TSC22D2: variants seen among roughly 807,000 people sequenced by gnomAD.
The protein encoded by TSC22D2 is TSC22 domain family member 2, also known as TSC22 domain family protein 2.
In TSC22D2, 5 loss-of-function variants were observed where a neutral mutation model predicts 50.1. That is an observed-to-expected ratio of 0.10 (90% confidence interval 0.05 to 0.21). The LOEUF is 0.21. Among genes scored for constraint, TSC22D2 ranks in the 10% least tolerant of loss-of-function variants. TSC22D2 has a pLI of 1.00. For missense variants in TSC22D2, 1,003 were observed against 1,015.5 expected, an observed-to-expected ratio of 0.99 and a Z score of 0.17; for synonymous variants, 501 against 450.1, an observed-to-expected ratio of 1.11 and a Z score of -1.43.
chr3:150,452,578 G>A (rs1721077668), intron 1 of TSC22D2, among the ~76,000 whole-genome samples: 1 of 152,180 alleles, frequency 6.6e-6, no homozygotes, highest in African/African-American at 2.4e-5. Context: ...CATGGTAAGA[G>A]TAAGGAAACC....
In TSC22D2 at chr3:150,458,390, C is replaced by T. The variant is rs142084152; in HGVS notation, c.2025C>T (p.Ser675=). The change falls in exon 3 of 3, where the codon AGC becomes AGT. Residue 675 remains serine, a synonymous_variant. Coordinates refer to ENST00000688009, the MANE Select transcript of TSC22D2 (RefSeq NM_001303264.2). ...GTTTTTCACAGGATCTGGTGAAAAG[C>T]CATTTGATGTATGCAGTAAGAGAAG... The part of the protein sequence containing the change: ...KIEQAMDLVK[S]HLMYAVREEV... The T allele has an allele frequency of 1.1e-4, 173 of 1,612,874 alleles. No individual in the cohort carries two copies. In the African/African-American group the frequency reaches 2.2e-3, roughly 20 times the overall value.
intron 1 of TSC22D2, 82 bp downstream of exon 1, chr3:150,411,390 G>C: frequency 1.4e-6 from 2 of 1,386,328 alleles, no homozygotes; most frequent in Non-Finnish European, 9.8e-7. Flanking sequence ...GGAGATTGTT[G>C]TCAACGGAGG....
chr3:150,416,992 A>G (rs1241811414), intron 1 of TSC22D2, among the ~76,000 whole-genome samples: 2 of 152,146 alleles, frequency 1.3e-5, no homozygotes, highest in Non-Finnish European at 2.9e-5. Flanking sequence ...TTTAAGTAGT[A>G]CATTTATTTG....
At chr3:150,418,090 TGACTA>T (rs1250561931) in intron 1 of TSC22D2, among the ~76,000 whole-genome samples, 1 of 152,082 alleles carries the variant, frequency 6.6e-6, no homozygotes. Flanking sequence ...TCCTGCCACT[TGACTA>T]TTGTGTGGCA....
intron 1 of TSC22D2, among the ~76,000 whole-genome samples, chr3:150,413,372 A>G (rs1033437889): frequency 1.3e-5 from 2 of 152,102 alleles, no homozygotes; most frequent in African/African-American, 4.8e-5. Flanking sequence ...CCTTGCCCCA[A>G]TCATTTAAAA....
chr3:150,462,231 A>G lies in TSC22D2; in HGVS notation c.*3595A>G, dbSNP rs1721437209. Reference sequence around the variant, plus strand: ...TCCAAGCACAAGAAAAGAGAACTCAATGGCTTAAAAGTATAAACAAGGCTC... The same window carrying G: ...TCCAAGCACAAGAAAAGAGAACTCAGTGGCTTAAAAGTATAAACAAGGCTC... On this transcript the variant is annotated 3_prime_UTR_variant, in exon 3 of 3. Transcript: ENST00000688009. 1 of 152,214 alleles carries G rather than the reference A, an allele frequency of 6.6e-6. No homozygotes were observed. The highest frequency in any genetic ancestry group is 2.4e-5 in the African/African-American group (1 of 41,448). 9.4% of individuals were successfully genotyped at this position (152,214 alleles called of 1,614,324 possible).
rs200638682 is a variant in TSC22D2, at chr3:150,418,248, G to A, written c.1958+6940G>A. ...AATATGAGACTATGCTGCCCTCCTA[G>A]ATCTCAGGCATTTTCATCATCATGA... On this transcript the variant is annotated intron_variant, in intron 1 of 2. Coordinates refer to ENST00000688009, the MANE Select transcript of TSC22D2 (RefSeq NM_001303264.2). 4.3e-3 allele frequency among the ~76,000 whole-genome samples: 660 copies of A among 151,852 alleles called. 13 individuals are homozygous for A. The East Asian group carries it at 0.06, about 14-fold the overall frequency.
At chr3:150,431,485 T>C (rs1451094517) in intron 1 of TSC22D2, among the ~76,000 whole-genome samples, 4 of 152,180 alleles carry the variant, frequency 2.6e-5, no homozygotes, top group Non-Finnish European at 4.4e-5. Context: ...TCACCAATTA[T>C]ACTTAATTAA....
At position 150,409,647 on chromosome 3, in the gene TSC22D2, T is replaced by A; in HGVS notation, c.297T>A (p.Ala99=). 1 of 1,607,162 alleles carries A rather than the reference T, an allele frequency of 6.2e-7. No homozygotes were observed. The highest frequency in any genetic ancestry group is 8.5e-7 in the Non-Finnish European group (1 of 1,176,790). The stretch of plus-strand genomic sequence containing the variant: ...ATGGGCAGCTGGCAGCGGCGGCTGC[T>A]GCTCCCGCCAACGGAGGAGGAGTCG... ...LLDGQLAAAA[A]APANGGGVVS... The change falls in exon 1 of 3, where the codon GCT becomes GCA. Residue 99 remains alanine, a synonymous_variant. Transcript: ENST00000688009. This position sits in a 1 kb window ranked among gnomAD's most constrained non-coding sequence, Gnocchi z 7.4.
Position 150,410,250 on chromosome 3 carries a change from C to T in TSC22D2, c.900C>T (p.Thr300=), listed in dbSNP as rs771370449. ...APLPPFPGAA[T]GPQPMMAAAQ... is the part of the protein sequence containing the mutation. ...TGCCGCCGTTCCCGGGAGCCGCGAC[C>T]GGGCCGCAGCCAATGATGGCAGCCG... The change falls in exon 1 of 3, where the codon ACC becomes ACT. Residue 300 remains threonine (T), a synonymous_variant. Transcript: ENST00000688009. The T allele has an allele frequency of 2.9e-5, 45 of 1,557,570 alleles. No individual in the cohort carries two copies. The highest frequency in any genetic ancestry group is 3.9e-5 in the Non-Finnish European group (45 of 1,152,172).
chr3:150,410,707 C>G lies in TSC22D2; in HGVS notation c.1357C>G (p.Gln453Glu). 3 of 1,578,710 alleles carry G rather than the reference C, an allele frequency of 1.9e-6. No homozygotes were observed. Among genetic ancestry groups the G allele is most frequent in the Non-Finnish European group, 2.6e-6 (3 of 1,163,568 alleles). Residue 453 changes from glutamine to glutamate, a missense_variant, in exon 1 of 3, where the codon CAG becomes GAG. Physicochemically the swap from Gln to Glu is conservative, Grantham distance 29. This residue lies in a region of TSC22D2 where 696 missense variants were observed against 647.8 expected (regional missense o/e 1.07). Coordinates refer to ENST00000688009, the MANE Select transcript of TSC22D2 (RefSeq NM_001303264.2). Reference sequence around the variant, plus strand: ...GCAAGGCGGGCAGGTCGCGCCTTGTCAGCCGACTGGAGTGCCCCCGGCTAC... The same window carrying G: ...GCAAGGCGGGCAGGTCGCGCCTTGTGAGCCGACTGGAGTGCCCCCGGCTAC... ...PAQGGQVAPC[Q>E]PTGVPPATVG...
chr3:150,409,612 C>G lies in TSC22D2; in HGVS notation c.262C>G (p.Leu88Val), dbSNP rs112998673. Residue 88 changes from leucine (L) to valine (V), a missense_variant, in exon 1 of 3, where the codon CTC (leucine) becomes GTC (valine). Transcript: ENST00000688009. This position sits in a 1 kb window ranked among gnomAD's most constrained non-coding sequence, Gnocchi z 7.4. ...GACTCCCGGGACCGTCTCCCCAAAC[C>G]TCCTCCTAGATGGGCAGCTGGCAGC... Reference protein sequence around the residue: ...AETPGTVSPNLLLDGQLAAAA... With the variant: ...AETPGTVSPNVLLDGQLAAAA... 1.3e-4 allele frequency: 205 copies of G among 1,608,154 alleles called. 2 individuals are homozygous for G. The African/African-American group carries it at 1.6e-3, about 12-fold the overall frequency.
At chr3:150,417,546 C>G (rs1719857596) in intron 1 of TSC22D2, among the ~76,000 whole-genome samples, 3 of 152,122 alleles carry the variant, frequency 2.0e-5, no homozygotes, top group Non-Finnish European at 4.4e-5. Context: ...GGGCTAAAAT[C>G]TAACTGCTAC....
intron 1 of TSC22D2, among the ~76,000 whole-genome samples, chr3:150,435,672 A>C (rs1720515763): frequency 6.6e-6 from 1 of 152,326 alleles, no homozygotes; most frequent in East Asian, 1.9e-4. Context: ...TAAGATAAGC[A>C]CATTCATTAA....
chr3:150,449,057 A>C (rs1720965077), intron 1 of TSC22D2, among the ~76,000 whole-genome samples: 1 of 152,186 alleles, frequency 6.6e-6, no homozygotes, highest in South Asian at 2.1e-4. Context: ...TTTACATCAC[A>C]TTCTCAGATG....
chr3:150,433,430 A>T (rs958738453), intron 1 of TSC22D2, among the ~76,000 whole-genome samples: 7 of 152,242 alleles, frequency 4.6e-5, no homozygotes, highest in Non-Finnish European at 8.8e-5. Flanking sequence ...CAATAGCAAG[A>T]TGTTCAGAAT....
chr3:150,433,408 C>T (rs1000080349), intron 1 of TSC22D2, among the ~76,000 whole-genome samples: 2 of 152,166 alleles, frequency 1.3e-5, no homozygotes, highest in Admixed American at 1.3e-4. Context: ...ATAGTAGCTA[C>T]GTATTTTCTA....
rs780621171 is a variant in TSC22D2 at position 150,409,946 on chromosome 3, G to C, written c.596G>C (p.Gly199Ala). ...GACAGCAGCGTCCTGACTAGATCCG[G>C]GGATTGCATTAGACACAGCAGTACT... ...DSDSSVLTRS[G>A]DCIRHSSTFD... Residue 199 changes from glycine (G) to alanine (A), a missense_variant, in exon 1 of 3, where the codon GGG (glycine) becomes GCG (alanine). Around this residue, in one of 6 missense-constraint regions of TSC22D2, gnomAD observed 696 missense variants for 647.8 expected, o/e 1.07. Transcript: ENST00000688009. The surrounding 1 kb of genome is among the most constrained non-coding windows in gnomAD (Gnocchi z 7.4). 19 of 1,613,890 alleles carry C rather than the reference G, an allele frequency of 1.2e-5. No homozygotes were observed. The highest frequency in any genetic ancestry group is 1.6e-5 in the Non-Finnish European group (19 of 1,180,052).
In TSC22D2 at chr3:150,409,571, A is replaced by G. The variant is rs370494218; in HGVS notation, c.221A>G (p.Asn74Ser). ...AGCTCTTCCGAAGAGACGCTTAACA[A>G]TGTTGGGGATGCGGAGACTCCCGGG... ...ERSSSEETLNNVGDAETPGTV... is the reference protein window; with the variant it reads ...ERSSSEETLNSVGDAETPGTV... Residue 74 changes from asparagine (N) to serine (S), a missense_variant, in exon 1 of 3, where the codon AAT (asparagine) becomes AGT (serine). Transcript: ENST00000688009. This position sits in a 1 kb window ranked among gnomAD's most constrained non-coding sequence, Gnocchi z 7.4. 1 of 1,600,204 alleles carries G rather than the reference A, an allele frequency of 6.2e-7. No homozygotes were observed. The highest frequency in any genetic ancestry group is 8.6e-7 in the Non-Finnish European group (1 of 1,169,182).
Sources: allele counts gnomAD v4.1 joint callset (sites outside exome capture counted in the v4.1 genomes callset), GRCh38; gene constraint gnomAD v4.1.1; regional missense constraint gnomAD v4.1.1; non-coding constraint Gnocchi (gnomAD v3.1); transcripts MANE v1.5; gene names NCBI Gene and HGNC (gene_info 2026-07-23, HGNC 2026-07-21).